The following PRKCZ variants were observed in gnomAD, a reference collection of about 807,000 sequenced individuals.
PRKCZ encodes protein kinase C zeta, also known as protein kinase C zeta type.
Under a neutral mutation model 79.5 loss-of-function variants are expected in PRKCZ, and 33 were observed. The observed-to-expected ratio is 0.41, with a 90% CI of 0.31 to 0.55. The LOEUF is 0.55. Among genes scored for constraint, PRKCZ ranks in the 20% least tolerant of loss-of-function variants. PRKCZ has a pLI of 0.19. For synonymous variants in PRKCZ, 342 were observed against 320.9 expected, an observed-to-expected ratio of 1.07 and a Z score of -0.70; for missense variants, 578 against 813.5, an observed-to-expected ratio of 0.71 and a Z score of 3.52.
chr1:2,074,278 G>A (rs539992326), intron 4 of PRKCZ: 10 of 1,549,662 alleles, frequency 6.5e-6, no homozygotes, highest in Admixed American at 3.9e-5. Context: ...GACGGATGGT[G>A]TGTGGCCCAG....
In PRKCZ at chr1:2,168,335, C is replaced by T. The variant is rs971180296; in HGVS notation, c.975-1183C>T. ...TCCCCAAGGACAAGGGCCAGGTTAC[C>T]AGAGAATTTCCAGGCACATCCGTTG... On this transcript the variant is annotated intron_variant, in intron 10 of 17. Coordinates refer to ENST00000378567, the MANE Select transcript of PRKCZ (RefSeq NM_002744.6). This position sits in a 1 kb window ranked among gnomAD's most constrained non-coding sequence, Gnocchi z 4.7. 5.9e-5 allele frequency among the ~76,000 whole-genome samples: 9 copies of T among 152,114 alleles called. No homozygotes were observed. The highest frequency in any genetic ancestry group is 7.4e-5 in the Non-Finnish European group (5 of 68,024).
At chr1:2,109,062 C>T (rs776786809) in intron 4 of PRKCZ, among the ~76,000 whole-genome samples, 7 of 152,194 alleles carry the variant, frequency 4.6e-5, no homozygotes, top group Non-Finnish European at 8.8e-5. Flanking sequence ...GTGAGGACCC[C>T]GCAATGACGT....
At chr1:2,160,621 G>A (rs1426617286) in intron 10 of PRKCZ, among the ~76,000 whole-genome samples, 2 of 152,206 alleles carry the variant, frequency 1.3e-5, no homozygotes, top group Non-Finnish European at 2.9e-5. Context: ...GTGTTGGGCA[G>A]GCACTCGTGT....
At chr1:2,169,198 C>T (rs144932075) in intron 10 of PRKCZ, 13 of 473,348 alleles carry the variant, frequency 2.7e-5, no homozygotes, top group African/African-American at 2.4e-4. Flanking sequence ...TCCAAGCCAC[C>T]TCCACTCCCA....
At chr1:2,100,080 T>C (rs1557556687) in intron 4 of PRKCZ, among the ~76,000 whole-genome samples, 1 of 152,180 alleles carries the variant, frequency 6.6e-6, no homozygotes, top group Non-Finnish European at 1.5e-5. Flanking sequence ...TCCCCAGGTC[T>C]TGCTGACACT....
chr1:2,178,755 C>T lies in PRKCZ; in HGVS notation c.1575+3442C>T, dbSNP rs1685967753. ...AGAACAGTCCCTCGGTGGGTGTCAG[C>T]TCCATGTGGGAGTGGGGCACGTGTG... On this transcript the variant is annotated intron_variant, in intron 16 of 17. Transcript: ENST00000378567. The surrounding 1 kb of genome is among the most constrained non-coding windows in gnomAD (Gnocchi z 4.3). Among the ~76,000 whole-genome samples, 1 of 152,188 alleles carries T rather than the reference C, an allele frequency of 6.6e-6. No homozygotes were observed. Among genetic ancestry groups the T allele is most frequent in the South Asian group, 2.1e-4 (1 of 4,832 alleles).
At chr1:2,067,703 C>T (rs1661237257) in intron 4 of PRKCZ, among the ~76,000 whole-genome samples, 1 of 152,226 alleles carries the variant, frequency 6.6e-6, no homozygotes, top group Non-Finnish European at 1.5e-5. Flanking sequence ...TCCATCTTCA[C>T]TGTCCGTTCA....
intron 4 of PRKCZ, among the ~76,000 whole-genome samples, chr1:2,119,255 CCCAGG>C (rs372514158): frequency 0.013 from 1,725 of 136,834 alleles, 41 homozygotes; most frequent in African/African-American, 0.043. Flanking sequence ...ACTCTTGTTG[CCCAGG>C]CTAGAGTGCA....
Position 2,173,603 on chromosome 1 carries a change from G to A in PRKCZ, c.1286-294G>A, listed in dbSNP as rs1164782855. Among the ~76,000 whole-genome samples the A allele has an allele frequency of 1.3e-5, 2 of 152,224 alleles. No homozygotes were observed. Among genetic ancestry groups the A allele is most frequent in the African/African-American group, 2.4e-5 (1 of 41,456 alleles). ...CAGAAACGAGAGAGGAGGGTCGTCC[G>A]CAGGTTCCACCAGTGCCTCGTGCCG... is the stretch of plus-strand genomic sequence containing the variant. On this transcript the variant is annotated intron_variant, in intron 13 of 17. Coordinates refer to ENST00000378567, the MANE Select transcript of PRKCZ (RefSeq NM_002744.6). The surrounding 1 kb of genome is among the most constrained non-coding windows in gnomAD (Gnocchi z 5.7).
At chr1:2,063,377 A>G (rs1398017498) in intron 4 of PRKCZ, among the ~76,000 whole-genome samples, 1 of 152,166 alleles carries the variant, frequency 6.6e-6, no homozygotes, top group Non-Finnish European at 1.5e-5. Flanking sequence ...CAGTGGCACG[A>G]TCTCGGCTCA....
chr1:2,129,862 G>A, intron 4 of PRKCZ, among the ~76,000 whole-genome samples: 1 of 152,136 alleles, frequency 6.6e-6, no homozygotes. Flanking sequence ...CTGTGAATCT[G>A]AAATTACCCC....
At chr1:2,180,695 G>A (rs1490121251) in intron 16 of PRKCZ, among the ~76,000 whole-genome samples, 1 of 152,178 alleles carries the variant, frequency 6.6e-6, no homozygotes, top group Non-Finnish European at 1.5e-5. Context: ...TGACTCAAAC[G>A]CACAGATGAC....
chr1:2,090,945 CTTAAATA>C (rs1304968359), intron 4 of PRKCZ, among the ~76,000 whole-genome samples: 1 of 152,248 alleles, frequency 6.6e-6, no homozygotes, highest in Non-Finnish European at 1.5e-5. Context: ...GAACACACGT[CTTAAATA>C]TCATCTTTTC....
chr1:2,151,409 C>G (rs936466900), intron 9 of PRKCZ, among the ~76,000 whole-genome samples: 3 of 152,242 alleles, frequency 2.0e-5, no homozygotes, highest in African/African-American at 7.2e-5. Context: ...ACCACTGATA[C>G]GTTGCCTTCC....
intron 16 of PRKCZ, chr1:2,181,780 A>G (rs1195770173): frequency 8.8e-6 from 4 of 454,528 alleles, no homozygotes; most frequent in Non-Finnish European, 8.8e-6. Flanking sequence ...GCACAGGACT[A>G]AGGTAGGGAA....
At chr1:2,124,689 G>GCC (rs1673526036) in intron 4 of PRKCZ, among the ~76,000 whole-genome samples, 1 of 152,158 alleles carries the variant, frequency 6.6e-6, no homozygotes, top group South Asian at 2.1e-4. Context: ...CAGTTCCATA[G>GCC]GTCTTGATTG....
chr1:2,159,134 G>T lies in PRKCZ; in HGVS notation c.974+3042G>T, dbSNP rs537300371. ...TAGAAACGGGGTGAGCTCCGGGTTGGGGGGAGGACCGGCAGCTGCCTTAGT... is the reference window on the plus strand; with the variant it reads ...TAGAAACGGGGTGAGCTCCGGGTTGTGGGGAGGACCGGCAGCTGCCTTAGT... On this transcript the variant is annotated intron_variant, in intron 10 of 17. Transcript: ENST00000378567. Among the ~76,000 whole-genome samples, 16 of 152,270 alleles carry T rather than the reference G, an allele frequency of 1.1e-4. No individual in the cohort carries two copies. In the East Asian group the frequency reaches 1.5e-3, roughly 15 times the overall value.
intron 4 of PRKCZ, among the ~76,000 whole-genome samples, chr1:2,123,288 C>T (rs111214326): frequency 4.8e-4 from 1 of 2,088 alleles, no homozygotes. Context: ...GTTAGGGTCA[C>T]GGTGGTAGTT....
rs1296712175 is a variant in PRKCZ at position 2,128,100 on chromosome 1, C to T, written c.335-7162C>T. Among the ~76,000 whole-genome samples, 1 of 152,236 alleles carries T rather than the reference C, an allele frequency of 6.6e-6. No homozygotes were observed. The highest frequency in any genetic ancestry group is 1.5e-5 in the Non-Finnish European group (1 of 68,046). On this transcript the variant is annotated intron_variant, in intron 4 of 17. Transcript: ENST00000378567. The surrounding 1 kb of genome is among the most constrained non-coding windows in gnomAD (Gnocchi z 6.5). ...GAGGTGGCAGCACCCATTTTACCTG[C>T]ACCCTCAGTGACAGCTGCACCCTGG...
Sources: allele counts gnomAD v4.1 joint callset (sites outside exome capture counted in the v4.1 genomes callset), GRCh38; gene constraint gnomAD v4.1.1; non-coding constraint Gnocchi (gnomAD v3.1); transcripts MANE v1.5; gene names NCBI Gene and HGNC (gene_info 2026-07-23, HGNC 2026-07-21).